BAD: variants seen among roughly 807,000 people sequenced by gnomAD.
BAD encodes BCL2 associated agonist of cell death.
A neutral mutation model predicts 17.8 loss-of-function variants in BAD; 18 were observed. That is an observed-to-expected ratio of 1.01 (90% CI 0.70 to 1.50). The LOEUF is 1.50. BAD is among the 40% of genes most tolerant of loss of function. The probability of loss-of-function intolerance (pLI) is 0.00; values close to 1 mark genes in which losing one functional copy is unlikely to be tolerated. For missense variants in BAD, 294 were observed against 239.3 expected, an observed-to-expected ratio of 1.23 and a Z score of -1.51; for synonymous variants, 112 against 91.5, an observed-to-expected ratio of 1.22 and a Z score of -1.28.
chr11:64,284,359 T>C lies in BAD; in HGVS notation c.10A>G (p.Ile4Val). The change falls in exon 2 of 4, where the codon ATC becomes GTC. Residue 4 changes from isoleucine (I) to valine (V), a missense_variant. Ile to Val is a conservative substitution (Grantham distance 29). Coordinates refer to ENST00000309032, the MANE Select transcript of BAD (RefSeq NM_032989.3). Reference sequence around the variant, plus strand: ...TGCTCACTCGGCTCAAACTCTGGGATCTGGAACATGCTCTGGGCTGTGAGG... The same window carrying C: ...TGCTCACTCGGCTCAAACTCTGGGACCTGGAACATGCTCTGGGCTGTGAGG... Reference protein sequence around the residue: MFQIPEFEPSEQED... With the variant: MFQVPEFEPSEQED... The C allele has an allele frequency of 6.2e-7, 1 of 1,612,950 alleles. No individual in the cohort carries two copies. Among genetic ancestry groups the C allele is most frequent in the Non-Finnish European group, 8.5e-7 (1 of 1,179,956 alleles).
Position 64,271,677 on chromosome 11 carries a change from C to G in BAD, c.314G>C (p.Trp105Ser). ...CTCGCGGCCATAGCGCTGTGCTGCC[C>G]AGAGGTTGGGGGGCGCCGAGCGCGA... ...GRSRSAPPNL[W>S]AAQRYGRELR... Residue 105 changes from tryptophan to serine, a missense_variant, in exon 3 of 4, where the codon TGG (tryptophan) becomes TCG (serine). Trp to Ser is a radical substitution (Grantham distance 177). Coordinates refer to ENST00000309032, the MANE Select transcript of BAD (RefSeq NM_032989.3). 1 of 1,501,908 alleles carries G rather than the reference C, an allele frequency of 6.7e-7. No individual in the cohort carries two copies. The highest frequency in any genetic ancestry group is 8.9e-7 in the Non-Finnish European group (1 of 1,124,272). 93.0% of individuals were successfully genotyped at this position (1,501,908 alleles called of 1,614,324 possible).
intron 2 of BAD, chr11:64,275,594 TGAG>T (rs2033000980): frequency 6.6e-6 from 1 of 152,066 alleles, no homozygotes; most frequent in South Asian, 2.1e-4. Context: ...GTTGTACAGA[TGAG>T]GAAACAGAGG....
chr11:64,272,660 G>A (rs767417359), intron 2 of BAD: 4 of 152,264 alleles, frequency 2.6e-5, no homozygotes, highest in Non-Finnish European at 4.4e-5. Context: ...ACCACCCTGG[G>A]AGGTGAGTAC....
At chr11:64,282,937 C>T (rs993943475) in intron 2 of BAD, among the ~76,000 whole-genome samples, 3 of 151,024 alleles carry the variant, frequency 2.0e-5, no homozygotes, top group Admixed American at 6.6e-5. Flanking sequence ...GTGTGGTCCA[C>T]ACACCTGTAT....
chr11:64,282,685 C>G (rs955257621), intron 2 of BAD, among the ~76,000 whole-genome samples: 1 of 151,996 alleles, frequency 6.6e-6, no homozygotes, highest in African/African-American at 2.4e-5. Context: ...GGAGACCACC[C>G]TGGCTAACAC....
rs375657682 is a variant in BAD, at chr11:64,271,682, G to A, written c.309C>T (p.Asn103=). The A allele has an allele frequency of 2.0e-4, 300 of 1,483,948 alleles. No individual in the cohort carries two copies. Among genetic ancestry groups the A allele is most frequent in the Non-Finnish European group, 2.4e-4 (271 of 1,118,434 alleles). 91.9% of individuals were successfully genotyped at this position (1,483,948 alleles called of 1,614,324 possible). The part of the protein sequence containing the change: ...FRGRSRSAPP[N]LWAAQRYGRE... ...GGCCATAGCGCTGTGCTGCCCAGAG[G>A]TTGGGGGGCGCCGAGCGCGAGCGGC... The change falls in exon 3 of 4, where the codon AAC becomes AAT. Residue 103 remains asparagine (N), a synonymous_variant. Transcript: ENST00000309032.
chr11:64,270,010 G>C lies in BAD; in HGVS notation c.*199C>G. On this transcript the variant is annotated 3_prime_UTR_variant, in exon 4 of 4. Transcript: ENST00000309032. ...GAGCCACTTCCGGCGGCTGTGGGCGGAAAACCCAAAACTTCCGATGGGACC... is the reference window on the plus strand; with the variant it reads ...GAGCCACTTCCGGCGGCTGTGGGCGCAAAACCCAAAACTTCCGATGGGACC... 2 of 1,095,364 alleles carry C rather than the reference G, an allele frequency of 1.8e-6. No homozygotes were observed. The highest frequency in any genetic ancestry group is 2.6e-6 in the Non-Finnish European group (2 of 757,550). The allele number at this position is 1,095,364 out of a possible 1,614,324, so 67.9% of individuals were successfully genotyped here. A position where few individuals can be genotyped will look rare whatever the true frequency, so the allele number is the denominator to read the frequency against.
In BAD at chr11:64,284,165, G is replaced by C. The variant is rs367613306; in HGVS notation, c.187+17C>G. On this transcript the variant is annotated intron_variant, in intron 2 of 3. Coordinates refer to ENST00000309032, the MANE Select transcript of BAD (RefSeq NM_032989.3). ...GGGGTGAGGTGTCCCGGCAGGTGGA[G>C]GTGGTGGGGTACTTACCTCCATGAT... 5 of 1,559,628 alleles carry C rather than the reference G, an allele frequency of 3.2e-6. No individual in the cohort carries two copies. The highest frequency in any genetic ancestry group is 4.3e-6 in the Non-Finnish European group (5 of 1,152,936).
At chr11:64,270,799 G>T in intron 3 of BAD, 1 of 401,228 alleles carries the variant, frequency 2.5e-6, no homozygotes, top group South Asian at 1.8e-5. Context: ...TGCCAGCAAG[G>T]AGCACAAATA....
At chr11:64,277,464 G>T (rs1441578388) in intron 2 of BAD, among the ~76,000 whole-genome samples, 2 of 152,164 alleles carry the variant, frequency 1.3e-5, no homozygotes, top group African/African-American at 4.8e-5. Context: ...CAGCGACAGG[G>T]TCTCTCTCTG....
In BAD at chr11:64,284,170, TG is replaced by T; in HGVS notation, c.187+11del. ...GAGGTGTCCCGGCAGGTGGAGGTGGTGGGGTACTTACCTCCATGATGGCTGC... is the reference window on the plus strand; with the variant it reads ...GAGGTGTCCCGGCAGGTGGAGGTGGTGGGTACTTACCTCCATGATGGCTGC... On this transcript the variant is annotated intron_variant, in intron 2 of 3. Coordinates refer to ENST00000309032, the MANE Select transcript of BAD (RefSeq NM_032989.3). 6.4e-7 allele frequency: 1 copy of T among 1,567,708 alleles called. No homozygotes were observed.
chr11:64,272,197 T>C (rs1466323783), intron 2 of BAD, among the ~76,000 whole-genome samples: 1 of 152,044 alleles, frequency 6.6e-6, no homozygotes, highest in Non-Finnish European at 1.5e-5. Flanking sequence ...CACGTGCCTA[T>C]AGTCCCAGTT....
chr11:64,270,052 C>T lies in BAD; in HGVS notation c.*157G>A, dbSNP rs2032391269. On this transcript the variant is annotated 3_prime_UTR_variant, in exon 4 of 4. Transcript: ENST00000309032. ...GATGGGACCAAGCCTTCCGTGGCTT[C>T]ACACGCACCGGAAGGGAATCTGGGT... The T allele has an allele frequency of 7.5e-7, 1 of 1,341,198 alleles. No homozygotes were observed. Among genetic ancestry groups the T allele is most frequent in the Non-Finnish European group, 1.0e-6 (1 of 971,420 alleles). 83.1% of individuals were successfully genotyped at this position (1,341,198 alleles called of 1,614,324 possible). A position where few individuals can be genotyped will look rare whatever the true frequency, so the allele number is the denominator to read the frequency against.
At chr11:64,279,099 C>G (rs1410184113) in intron 2 of BAD, among the ~76,000 whole-genome samples, 1 of 152,132 alleles carries the variant, frequency 6.6e-6, no homozygotes, top group African/African-American at 2.4e-5. Flanking sequence ...CCACCAGCAC[C>G]CTGTCTCCTT....
rs577803506 is a variant in BAD, at chr11:64,273,577, A to G, written c.188-1774T>C. Among the ~76,000 whole-genome samples the G allele has an allele frequency of 6.2e-3, 936 of 151,670 alleles. 3 individuals are homozygous for G. The highest frequency in any genetic ancestry group is 9.7e-3 in the Non-Finnish European group (660 of 67,892). ...CTGAGCAAACACTCAGAGTGCAATG[A>G]CAGAGTGAGAAGCAGGTGGGGGGCT... is the stretch of plus-strand genomic sequence containing the variant. On this transcript the variant is annotated intron_variant, in intron 2 of 3. Transcript: ENST00000309032.
intron 2 of BAD, among the ~76,000 whole-genome samples, chr11:64,282,015 G>A (rs867566254): frequency 1.3e-5 from 2 of 152,064 alleles, no homozygotes; most frequent in African/African-American, 4.8e-5. Context: ...CACCGCGCCC[G>A]GCCTCTCTTA....
rs1293386297 is a variant in BAD at position 64,270,331 on chromosome 11, G to T, written c.385C>A (p.Leu129Ile). Residue 129 changes from leucine to isoleucine, a missense_variant, in exon 4 of 4, where the codon CTT (leucine) becomes ATT (isoleucine). Leu to Ile is a conservative substitution (Grantham distance 5). Transcript: ENST00000309032. ...GTGCCCGCGCTCTTCGGGCGAGGAAGTCCCTTCTGGTGGAGGGAGAAAAGG... is the reference window on the plus strand; with the variant it reads ...GTGCCCGCGCTCTTCGGGCGAGGAATTCCCTTCTGGTGGAGGGAGAAAAGG... ...DEFVDSFKKGLPRPKSAGTAT... is the reference protein window; with the variant it reads ...DEFVDSFKKGIPRPKSAGTAT... 3 of 1,554,038 alleles carry T rather than the reference G, an allele frequency of 1.9e-6. No individual in the cohort carries two copies. The highest frequency in any genetic ancestry group is 2.6e-6 in the Non-Finnish European group (3 of 1,146,070).
chr11:64,277,595 G>A (rs1046168876), intron 2 of BAD, among the ~76,000 whole-genome samples: 1 of 152,038 alleles, frequency 6.6e-6, no homozygotes, highest in Non-Finnish European at 1.5e-5. Flanking sequence ...CACCATGCCC[G>A]GCTAATTTTT....
Position 64,284,352 on chromosome 11 carries a change from T to C in BAD, c.17A>G (p.Glu6Gly). ...GTCTTCCTGCTCACTCGGCTCAAAC[T>C]CTGGGATCTGGAACATGCTCTGGGC... MFQIPEFEPSEQEDSS... is the reference protein window; with the variant it reads MFQIPGFEPSEQEDSS... Residue 6 changes from glutamate to glycine, a missense_variant, in exon 2 of 4, where the codon GAG becomes GGG. Transcript: ENST00000309032. The C allele has an allele frequency of 6.2e-7, 1 of 1,612,916 alleles. No individual in the cohort carries two copies. The highest frequency in any genetic ancestry group is 8.5e-7 in the Non-Finnish European group (1 of 1,179,962).
Sources: allele counts gnomAD v4.1 joint callset (sites outside exome capture counted in the v4.1 genomes callset), GRCh38; gene constraint gnomAD v4.1.1; transcripts MANE v1.5; gene names NCBI Gene and HGNC (gene_info 2026-07-23, HGNC 2026-07-21).